The following IMPG1 variants were observed in gnomAD, a reference collection of about 807,000 sequenced individuals.
IMPG1 encodes interphotoreceptor matrix proteoglycan of 150 kDa.
Under a neutral mutation model 92.0 loss-of-function variants are expected in IMPG1, and 85 were observed. The observed-to-expected ratio is 0.92, with a 90% CI of 0.78 to 1.11. IMPG1 has a LOEUF of 1.11. Among genes scored for constraint, IMPG1 ranks in the 50% least tolerant of loss-of-function variants. The pLI is 0.00. For synonymous variants in IMPG1, 367 were observed against 334.1 expected (o/e 1.10, Z -1.08); for missense variants, 1,022 against 956.0 (o/e 1.07, Z -0.91).
intron 15 of IMPG1, among the ~76,000 whole-genome samples, chr6:75,924,323 C>A (rs1781482590): frequency 7.1e-6 from 1 of 140,826 alleles, no homozygotes; most frequent in Non-Finnish European, 1.5e-5. Flanking sequence ...TCATAATACT[C>A]AAGATTTGGA....
chr6:75,950,958 T>C lies in IMPG1; in HGVS notation c.1428A>G (p.Val476=), dbSNP rs542933746. ...DTMATDQTML[V]PGLTIPTSDY... is the part of the protein sequence containing the mutation. ...CACTGGTGGGGATGGTGAGCCCTGG[T>C]ACTAGCATTGTCTGGTCAGTGGCCA... Residue 476 remains valine, a synonymous_variant, in exon 13 of 17, where the codon GTA becomes GTG. Transcript: ENST00000369950. The C allele has an allele frequency of 2.5e-6, 4 of 1,613,822 alleles. No individual in the cohort carries two copies. The highest frequency in any genetic ancestry group is 2.2e-5 in the South Asian group (2 of 91,080).
chr6:75,948,050 G>A (rs367576038), intron 13 of IMPG1, among the ~76,000 whole-genome samples: 45 of 152,326 alleles, frequency 3.0e-4, no homozygotes, highest in East Asian at 1.2e-3. Context: ...CAAATGTGGT[G>A]TAGTGGAAAC....
Position 76,025,268 on chromosome 6 carries a change from C to CT in IMPG1, c.498-11_498-10insA. The CT allele has an allele frequency of 8.5e-6, 13 of 1,521,354 alleles. No individual in the cohort carries two copies. The highest frequency in any genetic ancestry group is 1.2e-5 in the Non-Finnish European group (13 of 1,103,296). 94.2% of individuals were successfully genotyped at this position (1,521,354 alleles called of 1,614,324 possible). A position where few individuals can be genotyped will look rare whatever the true frequency, so the allele number is the denominator to read the frequency against. ...AGATATTTCATCTTTTCTATTAGTA[C>CT]AATAGAAAAGAAGGAAGAGGTGGTG... On this transcript the variant is annotated splice_polypyrimidine_tract_variant and intron_variant, in intron 4 of 16. Coordinates refer to ENST00000369950, the MANE Select transcript of IMPG1 (RefSeq NM_001563.4).
intron 4 of IMPG1, among the ~76,000 whole-genome samples, chr6:76,026,376 C>T (rs1310861851): frequency 1.3e-5 from 2 of 152,190 alleles, no homozygotes; most frequent in Non-Finnish European, 2.9e-5. Context: ...GCTTCTAAGC[C>T]TTTTCATCCT....
chr6:76,047,843 A>G (rs1360691257), intron 1 of IMPG1, among the ~76,000 whole-genome samples: 2 of 152,140 alleles, frequency 1.3e-5, no homozygotes, highest in African/African-American at 2.4e-5. Flanking sequence ...TCCTCTTTTT[A>G]AGTATCTAAT....
chr6:76,052,123 A>G (rs1013734294), intron 1 of IMPG1, among the ~76,000 whole-genome samples: 1 of 152,168 alleles, frequency 6.6e-6, no homozygotes, highest in Non-Finnish European at 1.5e-5. Flanking sequence ...GAGGTGGAAA[A>G]GGAAGTTGCC....
intron 12 of IMPG1, among the ~76,000 whole-genome samples, chr6:75,979,106 A>G (rs913132196): frequency 2.0e-5 from 3 of 152,046 alleles, no homozygotes; most frequent in African/African-American, 7.2e-5. Context: ...TTGTACAGAC[A>G]GGGTTTCACC....
intron 12 of IMPG1, among the ~76,000 whole-genome samples, chr6:75,955,804 C>G: frequency 6.6e-6 from 1 of 152,114 alleles, no homozygotes; most frequent in South Asian, 2.1e-4. Context: ...AAGTTTTTAG[C>G]ATGAAGGGCT....
At chr6:75,953,276 T>G (rs528886083) in intron 12 of IMPG1, among the ~76,000 whole-genome samples, 1 of 152,360 alleles carries the variant, frequency 6.6e-6, no homozygotes, top group Admixed American at 6.5e-5. Flanking sequence ...GACATCTTTT[T>G]AAATTTTATA....
At position 76,046,687 on chromosome 6, in the gene IMPG1, T is replaced by C. The variant is rs1397009241; in HGVS notation, c.68-4561A>G. ...ATCCTGAGTTTCTTCACCTATAAAA[T>C]GGGGAATAATAATACCTCCCTTACA... is the stretch of plus-strand genomic sequence containing the variant. On this transcript the variant is annotated intron_variant, in intron 1 of 16. Coordinates refer to ENST00000369950, the MANE Select transcript of IMPG1 (RefSeq NM_001563.4). 2.0e-5 allele frequency among the ~76,000 whole-genome samples: 3 copies of C among 152,128 alleles called. No individual in the cohort carries two copies. In the East Asian group the frequency reaches 5.8e-4, roughly 29 times the overall value.
intron 1 of IMPG1, among the ~76,000 whole-genome samples, chr6:76,068,111 C>T (rs1255083436): frequency 6.6e-6 from 1 of 152,142 alleles, no homozygotes; most frequent in Non-Finnish European, 1.5e-5. Context: ...TGAAAGCATA[C>T]CCCTAAGAAC....
chr6:75,976,628 T>C (rs1782539051), intron 12 of IMPG1, among the ~76,000 whole-genome samples: 1 of 151,996 alleles, frequency 6.6e-6, no homozygotes, highest in Admixed American at 6.6e-5. Context: ...ATTAGAATCC[T>C]TGGCCAGGTG....
At chr6:75,944,680 G>A (rs1029324022) in intron 14 of IMPG1, among the ~76,000 whole-genome samples, 3 of 152,178 alleles carry the variant, frequency 2.0e-5, no homozygotes, top group African/African-American at 7.2e-5. Flanking sequence ...TGAACTATAA[G>A]TTCACCGAAG....
At chr6:76,024,936 A>T (rs1311989462) in intron 5 of IMPG1, 16 of 536,134 alleles carry the variant, frequency 3.0e-5, no homozygotes, top group Non-Finnish European at 5.4e-5. Flanking sequence ...AGAAGGCAGA[A>T]AATAGGCAGT....
At chr6:76,049,116 C>A (rs1046075459) in intron 1 of IMPG1, among the ~76,000 whole-genome samples, 1 of 152,084 alleles carries the variant, frequency 6.6e-6, no homozygotes, top group Non-Finnish European at 1.5e-5. Context: ...CCAAATACTA[C>A]GTGTTATAAG....
At chr6:75,961,293 C>T (rs1782209631) in intron 12 of IMPG1, among the ~76,000 whole-genome samples, 1 of 152,102 alleles carries the variant, frequency 6.6e-6, no homozygotes, top group Non-Finnish European at 1.5e-5. Flanking sequence ...GGGGCATGAC[C>T]AGCAAATTCT....
At chr6:76,061,580 C>T (rs1007468832) in intron 1 of IMPG1, among the ~76,000 whole-genome samples, 1 of 152,132 alleles carries the variant, frequency 6.6e-6, no homozygotes, top group Non-Finnish European at 1.5e-5. Flanking sequence ...AAATAATTAT[C>T]CTATCTTGGT....
At chr6:75,993,888 C>T (rs1318415674) in intron 12 of IMPG1, among the ~76,000 whole-genome samples, 1 of 152,144 alleles carries the variant, frequency 6.6e-6, no homozygotes, top group Admixed American at 6.5e-5. Context: ...TAGGTTTGTC[C>T]TAACTGTTTC....
Position 76,036,525 on chromosome 6 carries a change from A to T in IMPG1, c.302-1738T>A, listed in dbSNP as rs1395234242. ...GATAAATGCAACTGAATCCAGAAGA[A>T]ATTTCTTTTTACATATAAATCTTAT... On this transcript the variant is annotated intron_variant, in intron 2 of 16. Coordinates refer to ENST00000369950, the MANE Select transcript of IMPG1 (RefSeq NM_001563.4). Among the ~76,000 whole-genome samples, 3 of 152,230 alleles carry T rather than the reference A, an allele frequency of 2.0e-5. No homozygotes were observed. In the East Asian group the frequency reaches 5.8e-4, roughly 29 times the overall value.
Sources: allele counts gnomAD v4.1 joint callset (sites outside exome capture counted in the v4.1 genomes callset), GRCh38; gene constraint gnomAD v4.1.1; transcripts MANE v1.5; gene names NCBI Gene and HGNC (gene_info 2026-07-23, HGNC 2026-07-21).